The following NKAIN3 variants were observed in gnomAD, a reference collection of about 807,000 sequenced individuals.
NKAIN3 encodes the protein sodium/potassium-transporting ATPase subunit beta-1-interacting protein 3.
A neutral mutation model predicts 30.2 loss-of-function variants in NKAIN3; 25 were observed. That is an observed-to-expected ratio of 0.83 (90% CI 0.60 to 1.16). The LOEUF is 1.16. NKAIN3 is among the 50% of genes most tolerant of loss of function. NKAIN3 has a pLI of 0.00. For missense variants in NKAIN3, 225 were observed against 254.1 expected (o/e 0.89, Z 0.78); for synonymous variants, 91 against 89.6 (o/e 1.02, Z -0.09).
intron 3 of NKAIN3, among the ~76,000 whole-genome samples, chr8:62,735,366 CTTTCTTTCTTTCTTTTTTTT>C (rs1586143433): frequency 7.5e-6 from 1 of 132,666 alleles, no homozygotes; most frequent in Non-Finnish European, 1.5e-5. Flanking sequence ...TTCTTTCTTT[CTTTCTTTCTTTCTTTTTTTT>C]TTTTTTTTGA....
chr8:62,367,260 A>G (rs1324498783), intron 1 of NKAIN3, among the ~76,000 whole-genome samples: 12 of 152,200 alleles, frequency 7.9e-5, no homozygotes, highest in Non-Finnish European at 1.8e-4. Flanking sequence ...AGGCAAAGAC[A>G]GTGTAAGAAA....
chr8:62,769,697 C>G (rs1816956056), intron 4 of NKAIN3, among the ~76,000 whole-genome samples: 1 of 152,156 alleles, frequency 6.6e-6, no homozygotes, highest in Non-Finnish European at 1.5e-5. Flanking sequence ...CTTATAGTGC[C>G]TCTTTTACCC....
chr8:62,789,797 C>A (rs1431774951), intron 4 of NKAIN3, among the ~76,000 whole-genome samples: 2 of 151,984 alleles, frequency 1.3e-5, no homozygotes, highest in Non-Finnish European at 2.9e-5. Flanking sequence ...CAATAACAGG[C>A]TCTGAAATTG....
chr8:62,378,547 C>A (rs1817169588), intron 1 of NKAIN3, among the ~76,000 whole-genome samples: 1 of 152,194 alleles, frequency 6.6e-6, no homozygotes, highest in Admixed American at 6.5e-5. Context: ...GGCACCCCTG[C>A]TGTGTGCAGT....
At chr8:62,804,554 C>T (rs1245032924) in intron 4 of NKAIN3, among the ~76,000 whole-genome samples, 26 of 152,102 alleles carry the variant, frequency 1.7e-4, no homozygotes, top group Non-Finnish European at 2.1e-4. Flanking sequence ...AAAAACCACA[C>T]GATTATCTCA....
chr8:62,855,934 C>A, intron 4 of NKAIN3: 1 of 742,656 alleles, frequency 1.3e-6, no homozygotes, highest in South Asian at 1.4e-5. Context: ...GCTACAACCT[C>A]CTTGTCCAGA....
chr8:62,596,800 G>A (rs900734355), intron 3 of NKAIN3, among the ~76,000 whole-genome samples: 7 of 152,074 alleles, frequency 4.6e-5, no homozygotes, highest in Non-Finnish European at 5.9e-5. Flanking sequence ...CCCTCGAACA[G>A]CATAGGTTTG....
chr8:62,389,972 A>G (rs1166719350), intron 1 of NKAIN3, among the ~76,000 whole-genome samples: 2 of 152,166 alleles, frequency 1.3e-5, no homozygotes, highest in African/African-American at 4.8e-5. Context: ...TCAGGGACAG[A>G]CAGTCTTGGG....
intron 1 of NKAIN3, among the ~76,000 whole-genome samples, chr8:62,562,478 A>T (rs1420015403): frequency 2.0e-5 from 3 of 152,188 alleles, no homozygotes; most frequent in Admixed American, 2.0e-4. Flanking sequence ...TTAGTTCTAC[A>T]ACCAAGGACA....
At chr8:62,690,711 C>A (rs888393896) in intron 3 of NKAIN3, among the ~76,000 whole-genome samples, 1 of 152,200 alleles carries the variant, frequency 6.6e-6, no homozygotes, top group African/African-American at 2.4e-5. Context: ...TTTTCCCTGA[C>A]AGCTGCACAC....
At chr8:62,844,298 T>C (rs1043583014) in intron 4 of NKAIN3, among the ~76,000 whole-genome samples, 2 of 152,162 alleles carry the variant, frequency 1.3e-5, no homozygotes, top group African/African-American at 4.8e-5. Context: ...CCAGAGTTAC[T>C]GAAGGTTAAA....
intron 1 of NKAIN3, among the ~76,000 whole-genome samples, chr8:62,386,600 A>G (rs1350957999): frequency 3.9e-5 from 6 of 152,218 alleles, no homozygotes; most frequent in Admixed American, 2.6e-4. Context: ...GATTTTTAAT[A>G]TGACAAATCT....
chr8:62,276,296 C>T (rs1025171600), intron 1 of NKAIN3, among the ~76,000 whole-genome samples: 1 of 152,110 alleles, frequency 6.6e-6, no homozygotes, highest in Non-Finnish European at 1.5e-5. Context: ...GAACTCATTA[C>T]CTCAAGTGAT....
At chr8:62,552,657 T>C (rs537400399) in intron 1 of NKAIN3, among the ~76,000 whole-genome samples, 31 of 152,316 alleles carry the variant, frequency 2.0e-4, no homozygotes, top group South Asian at 1.9e-3. Flanking sequence ...TCTTGACAAG[T>C]ATGTACACTT....
intron 1 of NKAIN3, among the ~76,000 whole-genome samples, chr8:62,372,463 G>C (rs1389098232): frequency 1.3e-5 from 2 of 151,732 alleles, no homozygotes; most frequent in Non-Finnish European, 2.9e-5. Context: ...TATTCTTCTT[G>C]AATGAGAAGA....
intron 5 of NKAIN3, among the ~76,000 whole-genome samples, chr8:62,991,336 C>T (rs1463077061): frequency 1.3e-5 from 2 of 152,080 alleles, no homozygotes; most frequent in East Asian, 1.9e-4. Flanking sequence ...GTATAAAATC[C>T]CAGCAAATAC....
At chr8:62,582,924 CT>C (rs1409463162) in intron 2 of NKAIN3, among the ~76,000 whole-genome samples, 2 of 152,116 alleles carry the variant, frequency 1.3e-5, no homozygotes, top group African/African-American at 4.8e-5. Context: ...TGTCATGGGC[CT>C]CCTGCTGCAC....
intron 4 of NKAIN3, among the ~76,000 whole-genome samples, chr8:62,834,446 A>G (rs1273673398): frequency 6.6e-6 from 1 of 152,068 alleles, no homozygotes; most frequent in African/African-American, 2.4e-5. Context: ...CTACCCAAAG[A>G]TGCCTAGAAC....
chr8:62,484,030 A>G (rs758389654), intron 1 of NKAIN3, among the ~76,000 whole-genome samples: 1 of 152,164 alleles, frequency 6.6e-6, no homozygotes. Context: ...AGAGAAACAC[A>G]TGTTGACATG....
Sources: gnomAD v4.1 joint callset for allele counts (sites outside exome capture counted in the v4.1 genomes callset) on GRCh38, gnomAD v4.1.1 for gene constraint, MANE v1.5 for transcripts, NCBI Gene and HGNC (gene_info 2026-07-23, HGNC 2026-07-21) for gene names.